Variants in SYT13 observed in about 807,000 individuals in gnomAD.
SYT13 encodes the protein synaptotagmin-13.
A neutral mutation model predicts 38.6 loss-of-function variants in SYT13; 21 were observed. The ratio of observed to expected loss-of-function variants is 0.54; its 90% CI spans 0.39 to 0.78. The LOEUF is 0.78. SYT13 is among the 30% of genes least tolerant of loss of function. SYT13 has a pLI of 0.00. For missense variants in SYT13, 495 were observed against 548.7 expected (o/e 0.90, Z 0.98); for synonymous variants, 241 against 237.6 (o/e 1.01, Z -0.13).
chr11:45,245,501 A>G (rs1290442484), intron 5 of SYT13, among the ~76,000 whole-genome samples: 2 of 152,146 alleles, frequency 1.3e-5, no homozygotes, highest in Non-Finnish European at 1.5e-5. Flanking sequence ...AGCAAGACCA[A>G]CTCTTCTGAT....
intron 1 of SYT13, among the ~76,000 whole-genome samples, chr11:45,270,326 G>A (rs1479305522): frequency 6.6e-6 from 1 of 152,018 alleles, no homozygotes; most frequent in Admixed American, 6.6e-5. Context: ...TCTAATTTGT[G>A]TTTCTAATTT....
At chr11:45,284,443 T>G (rs1028634684) in intron 1 of SYT13, among the ~76,000 whole-genome samples, 2 of 152,170 alleles carry the variant, frequency 1.3e-5, no homozygotes, top group Non-Finnish European at 2.9e-5. Flanking sequence ...TGGCACACAG[T>G]GTATGCTATG....
chr11:45,282,442 TG>T (rs570745013), intron 1 of SYT13, among the ~76,000 whole-genome samples: 319 of 152,364 alleles, frequency 2.1e-3, no homozygotes, highest in Middle Eastern at 0.01. Flanking sequence ...ACACTTCCTC[TG>T]AATTGTTGGA....
At chr11:45,266,687 A>G (rs1854885737) in intron 1 of SYT13, among the ~76,000 whole-genome samples, 1 of 152,230 alleles carries the variant, frequency 6.6e-6, no homozygotes, top group African/African-American at 2.4e-5. Flanking sequence ...CTTTGAAGAT[A>G]GCTTAGAAGT....
At chr11:45,271,808 G>A (rs1344719473) in intron 1 of SYT13, among the ~76,000 whole-genome samples, 2 of 152,098 alleles carry the variant, frequency 1.3e-5, no homozygotes, top group African/African-American at 2.4e-5. Flanking sequence ...GGAAAGGGAG[G>A]AATCCAAGAG....
At chr11:45,284,947 C>T (rs550767046) in intron 1 of SYT13, among the ~76,000 whole-genome samples, 2 of 152,332 alleles carry the variant, frequency 1.3e-5, no homozygotes, top group South Asian at 4.1e-4. Flanking sequence ...GTGACTGACA[C>T]AGGCCCCACA....
chr11:45,277,812 C>A (rs1391725123), intron 1 of SYT13, among the ~76,000 whole-genome samples: 1 of 152,234 alleles, frequency 6.6e-6, no homozygotes, highest in Non-Finnish European at 1.5e-5. Context: ...CTTACACTTA[C>A]AAAGCAACAG....
rs770710467 is a variant in SYT13 at position 45,252,389 on chromosome 11, G to A, written c.846+32C>T. 6 of 1,532,628 alleles carry A rather than the reference G, an allele frequency of 3.9e-6. No homozygotes were observed. The African/African-American group carries it at 8.2e-5, about 21-fold the overall frequency. The allele number at this position is 1,532,628 out of a possible 1,614,324, so 94.9% of individuals were successfully genotyped here. On this transcript the variant is annotated intron_variant, in intron 4 of 5. Transcript: ENST00000020926. The surrounding 1 kb of genome is among the most constrained non-coding windows in gnomAD (Gnocchi z 4.3). ...CTGCCATCCCATGCTGCACGGGCAGGTTTTACCTTTCTAACCCAGGGGTTA... is the reference window on the plus strand; with the variant it reads ...CTGCCATCCCATGCTGCACGGGCAGATTTTACCTTTCTAACCCAGGGGTTA...
chr11:45,245,527 T>G (rs1409010832), intron 5 of SYT13, among the ~76,000 whole-genome samples: 3 of 152,196 alleles, frequency 2.0e-5, no homozygotes, highest in African/African-American at 7.2e-5. Context: ...TAGCCCCAAG[T>G]CTTTTGCTCG....
rs774084836 is a variant in SYT13, at chr11:45,271,931, C to G, written c.183+14094G>C. Among the ~76,000 whole-genome samples the G allele has an allele frequency of 2.3e-4, 35 of 152,194 alleles. 1 individual carries two copies. Among genetic ancestry groups the G allele is most frequent in the Non-Finnish European group, 4.4e-4 (30 of 68,040 alleles). On this transcript the variant is annotated intron_variant, in intron 1 of 5. Coordinates refer to ENST00000020926, the MANE Select transcript of SYT13 (RefSeq NM_020826.3). ...GCAGCACTGTTCACAATAGCAAAGA[C>G]TTGGAATCAACCCAAGTGCCCATGA...
intron 1 of SYT13, among the ~76,000 whole-genome samples, chr11:45,261,844 A>T (rs1854820935): frequency 6.6e-6 from 1 of 150,822 alleles, no homozygotes; most frequent in African/African-American, 2.4e-5. Flanking sequence ...TGAACCCGGG[A>T]GGCGAAGGTT....
At chr11:45,274,713 C>T (rs1854989308) in intron 1 of SYT13, among the ~76,000 whole-genome samples, 1 of 152,190 alleles carries the variant, frequency 6.6e-6, no homozygotes, top group Admixed American at 6.5e-5. Flanking sequence ...ACCTTATCTG[C>T]ATCTTCAAAC....
At chr11:45,282,218 C>T in intron 1 of SYT13, among the ~76,000 whole-genome samples, 1 of 152,168 alleles carries the variant, frequency 6.6e-6, no homozygotes, top group East Asian at 1.9e-4. Context: ...AGGCTGATGA[C>T]AGAGAGGTCC....
At chr11:45,254,451 G>GAAC in intron 2 of SYT13, 47 bp from the exon 3 acceptor site, 1 of 1,589,966 alleles carries the variant, frequency 6.3e-7, no homozygotes. Context: ...CTGGGGTTCT[G>GAAC]CTTTCCTGAT....
In SYT13 at chr11:45,252,668, G is replaced by A; in HGVS notation, c.599C>T (p.Ala200Val). 12 of 1,610,358 alleles carry A rather than the reference G, an allele frequency of 7.5e-6. No homozygotes were observed. The highest frequency in any genetic ancestry group is 9.3e-6 in the Non-Finnish European group (11 of 1,177,066). Residue 200 changes from alanine to valine, a missense_variant, in exon 4 of 6, where the codon GCC becomes GTC. By Grantham distance (64) the Ala-to-Val change is moderately conservative. Coordinates refer to ENST00000020926, the MANE Select transcript of SYT13 (RefSeq NM_020826.3). The surrounding 1 kb of genome is among the most constrained non-coding windows in gnomAD (Gnocchi z 4.3). ...GCDCYVQGSV[A>V]NRTGSVEAQT... is the part of the protein sequence containing the mutation. ...AGCCTCCACAGAGCCGGTCCTATTG[G>A]CCACACTCCCTTGGACGTAGCAGTC...
At position 45,246,639 on chromosome 11, in the gene SYT13, G is replaced by A. The variant is rs116010540; in HGVS notation, c.847-127C>T. ...CACGCATCCTTGAAACCATTTACCC[G>A]TCAATGCTGGGGTGTCCACCCTTGC... is the stretch of plus-strand genomic sequence containing the variant. On this transcript the variant is annotated intron_variant, in intron 4 of 5. Transcript: ENST00000020926. The A allele has an allele frequency of 1.1e-3, 1,485 of 1,358,830 alleles. 23 individuals are homozygous for A. The African/African-American group carries it at 0.019, about 17-fold the overall frequency. The allele number at this position is 1,358,830 out of a possible 1,614,324, so 84.2% of individuals were successfully genotyped here.
chr11:45,257,721 C>T lies in SYT13; in HGVS notation c.184-1830G>A, dbSNP rs79582194. On this transcript the variant is annotated intron_variant, in intron 1 of 5. Transcript: ENST00000020926. Reference sequence around the variant, plus strand: ...GTCCCCAACCATTCCTGAAGGAGACCGGACCTAGGTGACAGGGGCATTCCT... The same window carrying T: ...GTCCCCAACCATTCCTGAAGGAGACTGGACCTAGGTGACAGGGGCATTCCT... 3.2e-3 allele frequency among the ~76,000 whole-genome samples: 489 copies of T among 152,260 alleles called. 2 individuals carry two copies. Among genetic ancestry groups the T allele is most frequent in the African/African-American group, 0.011 (468 of 41,534 alleles).
In SYT13 at chr11:45,243,997, A is replaced by C; in HGVS notation, c.*55T>G. On this transcript the variant is annotated 3_prime_UTR_variant, in exon 6 of 6. Transcript: ENST00000020926. The stretch of plus-strand genomic sequence containing the variant: ...GAATGAGGAAAGGGGCACAGAAAGG[A>C]GGTTGCAGAGGACGGGTCAGGGCTG... The C allele has an allele frequency of 6.6e-7, 1 of 1,507,928 alleles. No homozygotes were observed. Among genetic ancestry groups the C allele is most frequent in the South Asian group, 1.3e-5 (1 of 78,400 alleles). 93.4% of individuals were successfully genotyped at this position (1,507,928 alleles called of 1,614,324 possible). A position where few individuals can be genotyped will look rare whatever the true frequency, so the allele number is the denominator to read the frequency against.
Position 45,255,841 on chromosome 11 carries a change from C to G in SYT13, c.234G>C (p.Lys78Asn). The G allele has an allele frequency of 6.2e-7, 1 of 1,614,180 alleles. No homozygotes were observed. Among genetic ancestry groups the G allele is most frequent in the Non-Finnish European group, 8.5e-7 (1 of 1,180,034 alleles). Residue 78 changes from lysine to asparagine, a missense_variant, in exon 2 of 6, where the codon AAG (lysine) becomes AAC (asparagine). Physicochemically the swap from Lys to Asn is moderately conservative, Grantham distance 94 (BLOSUM62 0). Coordinates refer to ENST00000020926, the MANE Select transcript of SYT13 (RefSeq NM_020826.3). ...GCCTGGGTCCATAGATGTCTGGGAA[C>G]TTGAGGAGGGCACGGGGCTGAACAG... is the stretch of plus-strand genomic sequence containing the variant. ...TEPVQPRALL[K>N]FPDIYGPRPA...
Sources: allele counts gnomAD v4.1 joint callset (sites outside exome capture counted in the v4.1 genomes callset), GRCh38; gene constraint gnomAD v4.1.1; non-coding constraint Gnocchi (gnomAD v3.1); transcripts MANE v1.5; gene names NCBI Gene and HGNC (gene_info 2026-07-23, HGNC 2026-07-21).